CCDC148: variants seen among roughly 807,000 people sequenced by gnomAD.
The protein encoded by CCDC148 is coiled-coil domain containing 148, also known as coiled-coil domain-containing protein 148.
A neutral mutation model predicts 85.7 loss-of-function variants in CCDC148; 89 were observed. That is an observed-to-expected ratio of 1.04 (90% confidence interval 0.87 to 1.24). CCDC148 has a LOEUF of 1.24. Ranked by LOEUF, CCDC148 falls within the 50% of genes most tolerant of loss-of-function variation. The pLI, the probability that CCDC148 is intolerant of heterozygous loss-of-function variation, is 0.00. For missense variants in CCDC148, 692 were observed against 671.7 expected, an observed-to-expected ratio of 1.03 and a Z score of -0.33; for synonymous variants, 230 against 213.9, an observed-to-expected ratio of 1.08 and a Z score of -0.66.
At chr2:158,390,847 C>G (rs1188261212) in intron 1 of CCDC148, among the ~76,000 whole-genome samples, 1 of 152,106 alleles carries the variant, frequency 6.6e-6, no homozygotes, top group African/African-American at 2.4e-5. Context: ...AAATAACACT[C>G]CAGCAGTGTA....
At chr2:158,248,178 TAA>T (rs1469750431) in intron 10 of CCDC148, among the ~76,000 whole-genome samples, 2 of 152,102 alleles carry the variant, frequency 1.3e-5, no homozygotes, top group African/African-American at 2.4e-5. Flanking sequence ...CAAAATATCT[TAA>T]AATCTATATA....
chr2:158,441,455 A>C (rs1180557080), intron 1 of CCDC148, among the ~76,000 whole-genome samples: 1 of 152,364 alleles, frequency 6.6e-6, no homozygotes, highest in African/African-American at 2.4e-5. Flanking sequence ...AAAAGTTTAC[A>C]AAATAAGTAC....
At chr2:158,436,010 C>T (rs56023173) in intron 1 of CCDC148, among the ~76,000 whole-genome samples, 26,846 of 151,820 alleles carry the variant, frequency 0.18, 3,094 homozygotes, top group Middle Eastern at 0.26. Flanking sequence ...AGACTTAGAC[C>T]CCCACACAAT....
intron 4 of CCDC148, 99 bp from the exon 5 acceptor site, chr2:158,340,492 G>C: frequency 2.0e-6 from 3 of 1,465,360 alleles, no homozygotes; most frequent in Non-Finnish European, 2.8e-6. Context: ...GATTTCCTTA[G>C]AAAAAAACAA....
chr2:158,318,101 C>T (rs981392083), intron 7 of CCDC148, among the ~76,000 whole-genome samples: 29 of 152,254 alleles, frequency 1.9e-4, no homozygotes, highest in Admixed American at 4.6e-4. Context: ...ATCCAAACAC[C>T]CAATCTAATC....
At chr2:158,330,230 T>C (rs1194397750) in intron 7 of CCDC148, among the ~76,000 whole-genome samples, 1 of 152,204 alleles carries the variant, frequency 6.6e-6, no homozygotes, top group African/African-American at 2.4e-5. Flanking sequence ...GTTCTTGAAT[T>C]TTGTCAAAGG....
intron 1 of CCDC148, among the ~76,000 whole-genome samples, chr2:158,384,292 T>G (rs545767336): frequency 6.6e-6 from 1 of 152,332 alleles, no homozygotes; most frequent in South Asian, 2.1e-4. Context: ...AGTTTTTGTT[T>G]GTTCATATCT....
intron 7 of CCDC148, among the ~76,000 whole-genome samples, chr2:158,319,509 G>A (rs541069966): frequency 1.8e-4 from 28 of 152,318 alleles, no homozygotes; most frequent in African/African-American, 6.3e-4. Flanking sequence ...ATGCAGAACT[G>A]TCTGGCAGGA....
rs183799947 is a variant in CCDC148, at chr2:158,426,820, G to A, written c.25+29595C>T. Among the ~76,000 whole-genome samples the A allele has an allele frequency of 1.0e-3, 159 of 152,184 alleles. 1 individual carries two copies. Among genetic ancestry groups the A allele is most frequent in the Admixed American group, 1.8e-3 (27 of 15,278 alleles). ...CTATAAAGTTACAATGCTCTTGTCC[G>A]TTTTTCCTTCTGTTTTTCTATTACA... On this transcript the variant is annotated intron_variant, in intron 1 of 13. Coordinates refer to ENST00000283233, the MANE Select transcript of CCDC148 (RefSeq NM_138803.4).
intron 11 of CCDC148, among the ~76,000 whole-genome samples, chr2:158,186,503 T>A (rs1487690694): frequency 6.6e-6 from 1 of 152,074 alleles, no homozygotes; most frequent in Non-Finnish European, 1.5e-5. Context: ...TGACTTGAGC[T>A]TAGCAAGATT....
chr2:158,439,244 A>G (rs1361925464), intron 1 of CCDC148, among the ~76,000 whole-genome samples: 2 of 152,242 alleles, frequency 1.3e-5, no homozygotes, highest in African/African-American at 2.4e-5. Context: ...CAAGAATGAT[A>G]GACTGGATTA....
Position 158,379,039 on chromosome 2 carries a change from A to G in CCDC148, c.26-20469T>C, listed in dbSNP as rs1684768846. 2.0e-5 allele frequency among the ~76,000 whole-genome samples: 3 copies of G among 152,196 alleles called. No homozygotes were observed. The South Asian group carries it at 6.2e-4, about 31-fold the overall frequency. On this transcript the variant is annotated intron_variant, in intron 1 of 13. Coordinates refer to ENST00000283233, the MANE Select transcript of CCDC148 (RefSeq NM_138803.4). ...TTTCATAAGGCTATAGCTGCCATAG[A>G]TAGTAATTCCTCTGATGCATCTGGG...
intron 7 of CCDC148, among the ~76,000 whole-genome samples, chr2:158,328,660 T>C (rs6742397): frequency 0.78 from 117,889 of 151,966 alleles, 46,046 homozygotes; most frequent in East Asian, 0.95. Flanking sequence ...TTTCTCCACA[T>C]CCTCTCCAGC....
Position 158,429,403 on chromosome 2 carries a change from A to AGATG in CCDC148, c.25+27011_25+27012insCATC, listed in dbSNP as rs35486131. Among the ~76,000 whole-genome samples the AGATG allele has an allele frequency of 1.3e-4, 20 of 152,194 alleles. No homozygotes were observed. In the South Asian group the frequency reaches 2.9e-3, roughly 22 times the overall value. ...TAGATAGATAGATAGATAGATAGAT[A>AGATG]GGAATACTTAGAACTAAGCCTTGAG... On this transcript the variant is annotated intron_variant, in intron 1 of 13. Transcript: ENST00000283233.
chr2:158,219,908 A>T (rs1291665329), intron 11 of CCDC148, among the ~76,000 whole-genome samples: 1 of 152,062 alleles, frequency 6.6e-6, no homozygotes, highest in Non-Finnish European at 1.5e-5. Flanking sequence ...CATGCTATTT[A>T]TCTCTTTATA....
chr2:158,263,577 C>A (rs544493405), intron 9 of CCDC148, among the ~76,000 whole-genome samples: 1 of 152,114 alleles, frequency 6.6e-6, no homozygotes, highest in African/African-American at 2.4e-5. Flanking sequence ...TGTGATCTTA[C>A]AAACATCCCT....
chr2:158,267,493 T>C (rs1403752062), intron 9 of CCDC148, among the ~76,000 whole-genome samples: 1 of 152,130 alleles, frequency 6.6e-6, no homozygotes, highest in Non-Finnish European at 1.5e-5. Flanking sequence ...TATCAGAAAA[T>C]ACAGGTTTTT....
At chr2:158,403,017 A>C (rs1185481050) in intron 1 of CCDC148, among the ~76,000 whole-genome samples, 1 of 152,084 alleles carries the variant, frequency 6.6e-6, no homozygotes, top group Non-Finnish European at 1.5e-5. Flanking sequence ...CATTTCCTCA[A>C]GCTACGAAAA....
At chr2:158,268,687 T>C (rs1363069371) in intron 9 of CCDC148, among the ~76,000 whole-genome samples, 1 of 152,138 alleles carries the variant, frequency 6.6e-6, no homozygotes, top group Non-Finnish European at 1.5e-5. Flanking sequence ...CCTGAACTTA[T>C]TTATCTTATA....
Sources: allele counts gnomAD v4.1 joint callset (sites outside exome capture counted in the v4.1 genomes callset), GRCh38; gene constraint gnomAD v4.1.1; transcripts MANE v1.5; gene names NCBI Gene and HGNC (gene_info 2026-07-23, HGNC 2026-07-21).